MYO10: variants seen among roughly 807,000 people sequenced by gnomAD.
MYO10 encodes unconventional myosin-X.
MYO10 carries 133 observed loss-of-function variants against 257.3 expected under a neutral mutation model. The ratio of observed to expected loss-of-function variants is 0.52; its 90% CI spans 0.45 to 0.60. The LOEUF (loss-of-function observed/expected upper bound fraction) is 0.60, where lower values mean the gene tolerates loss of function less well. Among genes scored for constraint, MYO10 ranks in the 20% least tolerant of loss-of-function variants. The probability of loss-of-function intolerance (pLI) is 0.00; values close to 1 mark genes in which losing one functional copy is unlikely to be tolerated. For missense variants in MYO10, 2,399 were observed against 2,635.7 expected (o/e 0.91, Z 1.97); for synonymous variants, 1,104 against 1,028.6 (o/e 1.07, Z -1.40).
In MYO10 at chr5:16,665,759, G is replaced by C. The variant is rs1219597413; in HGVS notation, c.*933C>G. 2.0e-5 allele frequency: 3 copies of C among 152,542 alleles called. No homozygotes were observed. Among genetic ancestry groups the C allele is most frequent in the Non-Finnish European group, 4.4e-5 (3 of 68,030 alleles). 9.4% of individuals were successfully genotyped at this position (152,542 alleles called of 1,614,324 possible). A position where few individuals can be genotyped will look rare whatever the true frequency, so the allele number is the denominator to read the frequency against. ...AAGACTCCAAAATGACTTCATTCTTGTTCTAAAACCAGCACTGGAGCCAGC... is the reference window on the plus strand; with the variant it reads ...AAGACTCCAAAATGACTTCATTCTTCTTCTAAAACCAGCACTGGAGCCAGC... On this transcript the variant is annotated 3_prime_UTR_variant, in exon 41 of 41. Coordinates refer to ENST00000513610, the MANE Select transcript of MYO10 (RefSeq NM_012334.3).
intron 19 of MYO10, among the ~76,000 whole-genome samples, chr5:16,726,899 A>G (rs1270166203): frequency 6.6e-6 from 1 of 152,174 alleles, no homozygotes; most frequent in East Asian, 1.9e-4. Context: ...ACAGCCACAC[A>G]TTGTCTGTGA....
chr5:16,838,486 GA>G (rs1256957908), intron 2 of MYO10, among the ~76,000 whole-genome samples: 2 of 152,178 alleles, frequency 1.3e-5, no homozygotes, highest in Non-Finnish European at 2.9e-5. Context: ...AGCTGCAGAA[GA>G]AAAGTCTGGA....
At chr5:16,879,301 G>A (rs920921019) in intron 1 of MYO10, among the ~76,000 whole-genome samples, 2 of 152,078 alleles carry the variant, frequency 1.3e-5, no homozygotes, top group Non-Finnish European at 2.9e-5. Flanking sequence ...TTTGAAATAT[G>A]CTGGTTATGG....
intron 39 of MYO10, among the ~76,000 whole-genome samples, chr5:16,669,074 T>C (rs1442802495): frequency 6.6e-6 from 1 of 152,108 alleles, no homozygotes; most frequent in Non-Finnish European, 1.5e-5. Context: ...AGACCCCATA[T>C]GAAGGGGCTA....
intron 2 of MYO10, among the ~76,000 whole-genome samples, chr5:16,861,387 G>A (rs909127675): frequency 6.6e-6 from 1 of 151,970 alleles, no homozygotes; most frequent in Non-Finnish European, 1.5e-5. Context: ...CCAACGTAGT[G>A]AAATCCTGTC....
chr5:16,870,064 C>T (rs948663075), intron 2 of MYO10, among the ~76,000 whole-genome samples: 5 of 151,294 alleles, frequency 3.3e-5, no homozygotes, highest in Non-Finnish European at 7.4e-5. Context: ...GGATTTTAGA[C>T]ACACATGGCT....
chr5:16,834,951 G>A (rs1181074534), intron 2 of MYO10, among the ~76,000 whole-genome samples: 6 of 152,236 alleles, frequency 3.9e-5, no homozygotes, highest in Non-Finnish European at 5.9e-5. Flanking sequence ...CGAGGCAGGC[G>A]GATCATGAGG....
At chr5:16,908,125 C>T (rs911029254) in intron 1 of MYO10, among the ~76,000 whole-genome samples, 9 of 152,228 alleles carry the variant, frequency 5.9e-5, no homozygotes, top group East Asian at 1.9e-4. Flanking sequence ...TCCAGCTACT[C>T]GGGAGGCTGA....
At chr5:16,700,815 A>C (rs1738010785) in intron 25 of MYO10, 148 bp downstream of exon 25, 1 of 1,048,348 alleles carries the variant, frequency 9.5e-7, no homozygotes, top group South Asian at 1.7e-5. Flanking sequence ...TTATGGAATA[A>C]GCAAAAGGTT....
chr5:16,850,284 A>T (rs992829643), intron 2 of MYO10, among the ~76,000 whole-genome samples: 5 of 151,982 alleles, frequency 3.3e-5, no homozygotes, highest in African/African-American at 1.2e-4. Flanking sequence ...ATTTATTTTT[A>T]TTTATTTTGA....
intron 33 of MYO10, among the ~76,000 whole-genome samples, chr5:16,679,273 A>AG (rs1412697311): frequency 6.6e-6 from 1 of 152,130 alleles, no homozygotes; most frequent in African/African-American, 2.4e-5. Flanking sequence ...ACTGAGGCTG[A>AG]GGGAGAACCT....
At chr5:16,740,564 G>C (rs1356548923) in intron 19 of MYO10, among the ~76,000 whole-genome samples, 1 of 152,088 alleles carries the variant, frequency 6.6e-6, no homozygotes, top group Non-Finnish European at 1.5e-5. Flanking sequence ...GGCACCTCCC[G>C]GGAGGGAAGC....
chr5:16,844,960 A>G (rs1368886695), intron 2 of MYO10, among the ~76,000 whole-genome samples: 1 of 149,594 alleles, frequency 6.7e-6, no homozygotes, highest in Non-Finnish European at 1.5e-5. Context: ...ACACGCACAC[A>G]CACACACACA....
intron 19 of MYO10, among the ~76,000 whole-genome samples, chr5:16,744,367 C>G (rs999458637): frequency 6.6e-6 from 1 of 152,180 alleles, no homozygotes; most frequent in Non-Finnish European, 1.5e-5. Context: ...AGGGAAAGGA[C>G]GCCCGGCCAC....
chr5:16,717,131 GCGGCCTTAAAC>G lies in MYO10; in HGVS notation c.1930-5897_1930-5887del, dbSNP rs1738908341. On this transcript the variant is annotated intron_variant, in intron 19 of 40. Coordinates refer to ENST00000513610, the MANE Select transcript of MYO10 (RefSeq NM_012334.3). Reference sequence around the variant, plus strand: ...GGATTACAGGCTTGGGCCACCACGCGCGGCCTTAAACTGGTTTTAACATTTGCTTAAATCAA... The same window carrying G: ...GGATTACAGGCTTGGGCCACCACGCGTGGTTTTAACATTTGCTTAAATCAA... 2.0e-5 allele frequency among the ~76,000 whole-genome samples: 3 copies of G among 152,090 alleles called. No individual in the cohort carries two copies. The South Asian group carries it at 6.2e-4, about 32-fold the overall frequency.
intron 1 of MYO10, among the ~76,000 whole-genome samples, chr5:16,921,105 G>A (rs767232913): frequency 8.1e-5 from 12 of 147,892 alleles, no homozygotes; most frequent in Admixed American, 2.0e-4. Flanking sequence ...GTGACAGAGC[G>A]ATACTCCATC....
At chr5:16,844,971 C>G (rs1399329924) in intron 2 of MYO10, among the ~76,000 whole-genome samples, 1 of 151,574 alleles carries the variant, frequency 6.6e-6, no homozygotes, top group African/African-American at 2.4e-5. Context: ...CACACACACA[C>G]ACACACAGTG....
chr5:16,811,718 T>A (rs1336699891), intron 3 of MYO10, among the ~76,000 whole-genome samples: 2 of 152,112 alleles, frequency 1.3e-5, no homozygotes, highest in Admixed American at 6.6e-5. Context: ...GCTGGCTAAT[T>A]TTTGCAATCT....
intron 9 of MYO10, among the ~76,000 whole-genome samples, 156 bp from the exon 10 acceptor site, chr5:16,769,359 C>T (rs563673613): frequency 7.2e-5 from 11 of 152,252 alleles, no homozygotes; most frequent in Admixed American, 1.3e-4. Context: ...TGTTTTGAGA[C>T]AGTCTCGTTC....
Sources: gnomAD v4.1 joint callset for allele counts (sites outside exome capture counted in the v4.1 genomes callset) on GRCh38, gnomAD v4.1.1 for gene constraint, MANE v1.5 for transcripts, NCBI Gene and HGNC (gene_info 2026-07-23, HGNC 2026-07-21) for gene names.